ROBO2: variants seen among roughly 807,000 people sequenced by gnomAD.
The protein encoded by ROBO2 is roundabout homolog 2.
Under a neutral mutation model 160.8 loss-of-function variants are expected in ROBO2, and 53 were observed. The ratio of observed to expected loss-of-function variants is 0.33; its 90% CI spans 0.26 to 0.41. ROBO2 has a LOEUF of 0.41. Ranked by LOEUF, ROBO2 falls within the 10% of genes least tolerant of loss-of-function variation. ROBO2 has a pLI of 1.00. For missense variants in ROBO2, 1,577 were observed against 1,722.4 expected (o/e 0.92, Z 1.49); for synonymous variants, 664 against 611.7 (o/e 1.09, Z -1.26).
At chr3:76,923,897 C>T (rs979941355) in intron 2 of ROBO2, among the ~76,000 whole-genome samples, 3 of 152,132 alleles carry the variant, frequency 2.0e-5, no homozygotes, top group Admixed American at 6.5e-5. Flanking sequence ...TTTGTGTTAC[C>T]GGGAAGTGGT....
chr3:77,400,115 C>G (rs1246112132), intron 2 of ROBO2, among the ~76,000 whole-genome samples: 1 of 152,138 alleles, frequency 6.6e-6, no homozygotes, highest in Non-Finnish European at 1.5e-5. Flanking sequence ...AATTCCACTT[C>G]TTAGAATTGT....
chr3:76,791,643 A>G lies in ROBO2; in HGVS notation c.110-306371A>G, dbSNP rs114275375. Among the ~76,000 whole-genome samples the G allele has an allele frequency of 7.0e-3, 1,056 of 151,868 alleles. 11 individuals are homozygous for G. Among genetic ancestry groups the G allele is most frequent in the South Asian group, 0.016 (79 of 4,832 alleles). The stretch of plus-strand genomic sequence containing the variant: ...AGCCCTGGTCTACAGCTTCACTGCT[A>G]TCTCATGAGAGAGGCTTAGCTGAAC... On this transcript the variant is annotated intron_variant, in intron 2 of 26. Coordinates refer to the ROBO2 transcript ENST00000487694.
chr3:76,524,045 C>A (rs1577880412), intron 2 of ROBO2, among the ~76,000 whole-genome samples: 1 of 151,332 alleles, frequency 6.6e-6, no homozygotes, highest in African/African-American at 2.4e-5. Flanking sequence ...TCAGAAAAAT[C>A]TGAAGAAAAT....
At chr3:76,587,486 C>T (rs546895182) in intron 2 of ROBO2, among the ~76,000 whole-genome samples, 1 of 152,100 alleles carries the variant, frequency 6.6e-6, no homozygotes, top group Non-Finnish European at 1.5e-5. Context: ...TCCTCACATG[C>T]CAGCAGGACG....
chr3:76,576,862 T>C (rs1254495271), intron 2 of ROBO2, among the ~76,000 whole-genome samples: 2 of 151,862 alleles, frequency 1.3e-5, no homozygotes, highest in African/African-American at 4.8e-5. Context: ...TTGATAATTA[T>C]TCTTCAGTAA....
intron 1 of ROBO2, among the ~76,000 whole-genome samples, chr3:75,907,583 T>C (rs1946401795): frequency 6.6e-6 from 1 of 152,188 alleles, no homozygotes; most frequent in Non-Finnish European, 1.5e-5. Context: ...CTTCATCTCC[T>C]CTTTATCCTT....
At position 76,282,713 on chromosome 3, in the gene ROBO2, C is replaced by T. The variant is rs140158312; in HGVS notation, c.109+345111C>T. Among the ~76,000 whole-genome samples the T allele has an allele frequency of 9.2e-3, 1,398 of 151,936 alleles. 13 individuals carry two copies. The highest frequency in any genetic ancestry group is 0.029 in the African/African-American group (1,208 of 41,506). On this transcript the variant is annotated intron_variant, in intron 2 of 26. Transcript: ENST00000487694. The stretch of plus-strand genomic sequence containing the variant: ...TTGTGGGTCTGCCTCAATGAGTGAT[C>T]GTTCTTGCTGGGTATCAAATCCCAT...
At chr3:76,823,981 G>A (rs1206815153) in intron 2 of ROBO2, among the ~76,000 whole-genome samples, 5 of 152,130 alleles carry the variant, frequency 3.3e-5, no homozygotes, top group African/African-American at 1.2e-4. Flanking sequence ...AAAACAGGTC[G>A]GAGGTGAGCA....
intron 2 of ROBO2, among the ~76,000 whole-genome samples, chr3:76,619,420 C>A (rs2088881143): frequency 6.6e-6 from 1 of 151,398 alleles, no homozygotes. Context: ...GGAGCAATTT[C>A]TTTTCTTACG....
chr3:75,995,022 A>C (rs1429759860), intron 2 of ROBO2, among the ~76,000 whole-genome samples: 1 of 152,200 alleles, frequency 6.6e-6, no homozygotes. Flanking sequence ...TGGCAGAAGA[A>C]ATTTCTAAGC....
At chr3:77,619,882 T>G (rs1424862260) in intron 22 of ROBO2, among the ~76,000 whole-genome samples, 1 of 152,200 alleles carries the variant, frequency 6.6e-6, no homozygotes, top group East Asian at 1.9e-4. Flanking sequence ...CTAGTTTTTG[T>G]GAGAATGAAA....
chr3:77,211,893 G>A (rs1361778842), intron 2 of ROBO2, among the ~76,000 whole-genome samples: 1 of 152,108 alleles, frequency 6.6e-6, no homozygotes, highest in Non-Finnish European at 1.5e-5. Flanking sequence ...GTAGATATGT[G>A]GCATTATTTC....
At chr3:77,594,433 C>T (rs1431470495) in intron 17 of ROBO2, among the ~76,000 whole-genome samples, 2 of 152,110 alleles carry the variant, frequency 1.3e-5, no homozygotes, top group Non-Finnish European at 2.9e-5. Context: ...GAGAGAGTGG[C>T]TTCACTGGCT....
At chr3:77,110,321 T>G (rs2073405681) in intron 2 of ROBO2, among the ~76,000 whole-genome samples, 1 of 152,020 alleles carries the variant, frequency 6.6e-6, no homozygotes, top group Admixed American at 6.6e-5. Flanking sequence ...CTTTCTGGAG[T>G]TTTTTGAGTC....
At chr3:76,195,207 C>T (rs1179418326) in intron 2 of ROBO2, among the ~76,000 whole-genome samples, 2 of 152,028 alleles carry the variant, frequency 1.3e-5, no homozygotes, top group African/African-American at 4.8e-5. Context: ...ATATTGGATT[C>T]GCTTTTCAGA....
At chr3:77,310,429 G>T (rs1300797955) in intron 2 of ROBO2, among the ~76,000 whole-genome samples, 1 of 152,120 alleles carries the variant, frequency 6.6e-6, no homozygotes, top group Non-Finnish European at 1.5e-5. Flanking sequence ...CTCTAAAGCA[G>T]ATAAGAAAGC....
At chr3:76,014,688 G>A (rs954048484) in intron 2 of ROBO2, among the ~76,000 whole-genome samples, 1 of 152,186 alleles carries the variant, frequency 6.6e-6, no homozygotes, top group Non-Finnish European at 1.5e-5. Flanking sequence ...CGCACTTTGG[G>A]AGGCCCAGGT....
intron 19 of ROBO2, among the ~76,000 whole-genome samples, chr3:77,599,255 C>A (rs1026919902): frequency 2.8e-4 from 43 of 151,566 alleles, no homozygotes; most frequent in African/African-American, 1.0e-3. Flanking sequence ...GTCATATTTC[C>A]ATTTTAAGGA....
chr3:77,360,144 A>AGT (rs1411271990), intron 2 of ROBO2, among the ~76,000 whole-genome samples: 1 of 152,070 alleles, frequency 6.6e-6, no homozygotes, highest in East Asian at 1.9e-4. Context: ...GGGCCTGACC[A>AGT]CTTCTTTATC....
Sources: gnomAD v4.1 joint callset for allele counts (sites outside exome capture counted in the v4.1 genomes callset) on GRCh38, gnomAD v4.1.1 for gene constraint, MANE v1.5 for transcripts, NCBI Gene and HGNC (gene_info 2026-07-23, HGNC 2026-07-21) for gene names.